Variants in RUNX1 observed in about 807,000 individuals in gnomAD.
The protein encoded by RUNX1 is RUNX family transcription factor 1, also known as runt-related transcription factor 1.
In RUNX1, 19 loss-of-function variants were observed where a neutral mutation model predicts 42.8. The observed-to-expected ratio is 0.44, with a 90% CI of 0.31 to 0.65. RUNX1 has a LOEUF of 0.65. Among genes scored for constraint, RUNX1 ranks in the 30% least tolerant of loss-of-function variants. The pLI is 0.07. For missense variants in RUNX1, 528 were observed against 672.0 expected, an observed-to-expected ratio of 0.79 and a Z score of 2.37; for synonymous variants, 271 against 289.4, an observed-to-expected ratio of 0.94 and a Z score of 0.64.
Position 34,933,610 on chromosome 21 carries a change from G to T in RUNX1, c.59-40647C>A, listed in dbSNP as rs183124275. On this transcript the variant is annotated intron_variant, in intron 2 of 8. Coordinates refer to ENST00000675419, the MANE Select transcript of RUNX1 (RefSeq NM_001754.5). ...GTTCGACGTATAGTAGCTGAAAGTAGAGTATTTTCAAGACCTATGTTCCTT... is the reference window on the plus strand; with the variant it reads ...GTTCGACGTATAGTAGCTGAAAGTATAGTATTTTCAAGACCTATGTTCCTT... 3.5e-4 allele frequency among the ~76,000 whole-genome samples: 53 copies of T among 152,320 alleles called. 1 individual carries two copies. Among genetic ancestry groups the T allele is most frequent in the Middle Eastern group, 3.4e-3 (1 of 294 alleles).
At chr21:34,964,393 C>T (rs2058703270) in intron 2 of RUNX1, among the ~76,000 whole-genome samples, 1 of 151,140 alleles carries the variant, frequency 6.6e-6, no homozygotes, top group African/African-American at 2.4e-5. Flanking sequence ...GAGGCTGAGG[C>T]AGGAGAACCG....
intron 2 of RUNX1, among the ~76,000 whole-genome samples, chr21:35,036,642 T>C (rs966325662): frequency 2.0e-5 from 3 of 152,188 alleles, no homozygotes; most frequent in Admixed American, 1.3e-4. Context: ...ACTGGTGACA[T>C]GGACTTTGTG....
intron 6 of RUNX1, among the ~76,000 whole-genome samples, chr21:34,852,489 C>T (rs528055829): frequency 6.0e-4 from 92 of 152,296 alleles, no homozygotes; most frequent in South Asian, 1.0e-3. Context: ...TTCTAAAATT[C>T]GCTGGAAACA....
chr21:34,985,638 G>C (rs1368400642), intron 2 of RUNX1, among the ~76,000 whole-genome samples: 1 of 152,108 alleles, frequency 6.6e-6, no homozygotes, highest in Non-Finnish European at 1.5e-5. Flanking sequence ...ACCATATGGG[G>C]GTTTCTTTAA....
intron 2 of RUNX1, among the ~76,000 whole-genome samples, chr21:34,942,443 C>A (rs989200206): frequency 6.6e-6 from 1 of 152,126 alleles, no homozygotes; most frequent in Non-Finnish European, 1.5e-5. Flanking sequence ...GTCACTTGAC[C>A]GTCATTCACC....
intron 2 of RUNX1, among the ~76,000 whole-genome samples, chr21:34,894,267 T>G (rs1050242967): frequency 6.6e-6 from 1 of 152,110 alleles, no homozygotes; most frequent in Non-Finnish European, 1.5e-5. Context: ...AGCTTTTCCA[T>G]GTCTGAGTCT....
chr21:34,835,458 T>C (rs1012002319), intron 6 of RUNX1, among the ~76,000 whole-genome samples: 1 of 151,962 alleles, frequency 6.6e-6, no homozygotes, highest in Admixed American at 6.5e-5. Flanking sequence ...TCAGTGTCTA[T>C]ATAGATAGCA....
chr21:34,852,124 C>T lies in RUNX1; in HGVS notation c.613+7350G>A, dbSNP rs528354221. Among the ~76,000 whole-genome samples the T allele has an allele frequency of 1.7e-3, 261 of 152,174 alleles. 1 individual carries two copies. Among genetic ancestry groups the T allele is most frequent in the African/African-American group, 5.7e-3 (235 of 41,504 alleles). On this transcript the variant is annotated intron_variant, in intron 6 of 8. Transcript: ENST00000675419. ...TGGAGGTTGCAGTGAGCTGAGATGGCGCCACTGCACTCCAGCCTGGGCGAA... is the reference window on the plus strand; with the variant it reads ...TGGAGGTTGCAGTGAGCTGAGATGGTGCCACTGCACTCCAGCCTGGGCGAA...
chr21:34,833,092 T>C (rs771567220), intron 7 of RUNX1: 2 of 152,318 alleles, frequency 1.3e-5, no homozygotes, highest in African/African-American at 2.4e-5. Flanking sequence ...TGAGAACCCA[T>C]GTTTTTGTTT....
intron 2 of RUNX1, among the ~76,000 whole-genome samples, chr21:34,903,422 T>C (rs1471823895): frequency 1.1e-4 from 17 of 152,194 alleles, no homozygotes. Context: ...TTTACTAAAA[T>C]AAAATTTTTC....
chr21:34,916,958 C>T (rs997799675), intron 2 of RUNX1, among the ~76,000 whole-genome samples: 4 of 152,122 alleles, frequency 2.6e-5, no homozygotes, highest in Non-Finnish European at 4.4e-5. Flanking sequence ...GTCAGTAATA[C>T]CCAAGAACAC....
intron 2 of RUNX1, among the ~76,000 whole-genome samples, chr21:34,979,504 T>C (rs2058830686): frequency 6.6e-6 from 1 of 152,200 alleles, no homozygotes; most frequent in Non-Finnish European, 1.5e-5. Context: ...GGACTTACAG[T>C]CTCATTCAGG....
intron 2 of RUNX1, among the ~76,000 whole-genome samples, chr21:34,951,701 G>A (rs992306355): frequency 2.6e-5 from 4 of 152,174 alleles, no homozygotes; most frequent in Non-Finnish European, 5.9e-5. Context: ...CAGTTAGAAT[G>A]GTGATCATTA....
At chr21:34,902,384 C>A (rs1051910578) in intron 2 of RUNX1, among the ~76,000 whole-genome samples, 1 of 152,064 alleles carries the variant, frequency 6.6e-6, no homozygotes, top group African/African-American at 2.4e-5. Context: ...ATGGTGGGTA[C>A]AGGACAGGCA....
At chr21:35,013,787 CA>C in intron 2 of RUNX1, among the ~76,000 whole-genome samples, 1 of 152,248 alleles carries the variant, frequency 6.6e-6, no homozygotes, top group East Asian at 1.9e-4. Context: ...CAGAGATGTT[CA>C]TTGCAACATT....
In RUNX1 at chr21:34,788,752, G is replaced by A. The variant is rs2056399967; in HGVS notation, c.*3383C>T. 1 of 233,372 alleles carries A rather than the reference G, an allele frequency of 4.3e-6. No homozygotes were observed. Among genetic ancestry groups the A allele is most frequent in the Admixed American group, 5.6e-5 (1 of 17,776 alleles). The allele number at this position is 233,372 out of a possible 1,614,324, so 14.5% of individuals were successfully genotyped here. On this transcript the variant is annotated 3_prime_UTR_variant, in exon 9 of 9. Transcript: ENST00000675419. ...AACACACAAAAATCCCAAAACAAATGTATACGCTACGGTAAACAAAAAGGC... is the reference window on the plus strand; with the variant it reads ...AACACACAAAAATCCCAAAACAAATATATACGCTACGGTAAACAAAAAGGC...
At chr21:34,908,429 GA>G (rs150505053) in intron 2 of RUNX1, among the ~76,000 whole-genome samples, 2 of 152,076 alleles carry the variant, frequency 1.3e-5, no homozygotes, top group East Asian at 1.9e-4. Flanking sequence ...TGTCCTCGGG[GA>G]AAAAAAGTAG....
At chr21:34,965,280 T>A in intron 2 of RUNX1, among the ~76,000 whole-genome samples, 1 of 151,564 alleles carries the variant, frequency 6.6e-6, no homozygotes, top group East Asian at 1.9e-4. Context: ...CTGAGTGCCC[T>A]ATAATCCACA....
Position 35,033,794 on chromosome 21 carries a change from T to C in RUNX1, c.58+15048A>G, listed in dbSNP as rs141302805. Among the ~76,000 whole-genome samples the C allele has an allele frequency of 5.9e-5, 9 of 152,328 alleles. No homozygotes were observed. In the East Asian group the frequency reaches 1.7e-3, roughly 29 times the overall value. ...CTTGTCTTTTAGGTTACTTTCCTCC[T>C]AGATTTTTAAAGTCTTCAAAGAAAT... On this transcript the variant is annotated intron_variant, in intron 2 of 8. Coordinates refer to ENST00000675419, the MANE Select transcript of RUNX1 (RefSeq NM_001754.5).
Sources: allele counts gnomAD v4.1 joint callset (sites outside exome capture counted in the v4.1 genomes callset), GRCh38; gene constraint gnomAD v4.1.1; transcripts MANE v1.5; gene names NCBI Gene and HGNC (gene_info 2026-07-23, HGNC 2026-07-21).